CCR6: variants seen among roughly 807,000 people sequenced by gnomAD.
The protein encoded by CCR6 is C-C chemokine receptor type 6.
In CCR6, 2 loss-of-function variants were observed where a neutral mutation model predicts 3.0. The observed-to-expected ratio is 0.66, with a 90% CI of 0.27 to 2.07. The LOEUF is 2.07. CCR6 is among the 30% of genes most tolerant of loss of function. CCR6 has a pLI of 0.14. For missense variants in CCR6, 322 were observed against 462.8 expected, an observed-to-expected ratio of 0.70 and a Z score of 2.79; for synonymous variants, 193 against 184.3, an observed-to-expected ratio of 1.05 and a Z score of -0.38.
At chr6:167,116,327 C>A (rs368515199) in intron 1 of CCR6, among the ~76,000 whole-genome samples, 5 of 152,218 alleles carry the variant, frequency 3.3e-5, no homozygotes, top group Non-Finnish European at 7.3e-5. Flanking sequence ...CCCGCCCTCG[C>A]TCCCTCTTGG....
chr6:167,113,003 C>A (rs1044885305), intron 1 of CCR6, among the ~76,000 whole-genome samples: 1 of 151,096 alleles, frequency 6.6e-6, no homozygotes, highest in Non-Finnish European at 1.5e-5. Flanking sequence ...AACAATACTG[C>A]GATTCCATTT....
At chr6:167,132,704 C>G (rs1252961725) in intron 1 of CCR6, among the ~76,000 whole-genome samples, 1 of 152,130 alleles carries the variant, frequency 6.6e-6, no homozygotes, top group Non-Finnish European at 1.5e-5. Context: ...TCACGCCTGG[C>G]TAATTTTTGT....
chr6:167,131,430 T>A (rs1315115169), intron 1 of CCR6: 1 of 152,216 alleles, frequency 6.6e-6, no homozygotes, highest in Non-Finnish European at 1.5e-5. Context: ...CTTCCCATCG[T>A]CATCAACTCA....
intron 1 of CCR6, among the ~76,000 whole-genome samples, chr6:167,134,724 C>T (rs980049368): frequency 2.6e-5 from 4 of 152,174 alleles, no homozygotes; most frequent in African/African-American, 7.2e-5. Context: ...TCCCGCTTGG[C>T]ATGGCCAGGC....
chr6:167,123,775 T>A (rs968897727), intron 1 of CCR6, among the ~76,000 whole-genome samples: 3 of 152,138 alleles, frequency 2.0e-5, no homozygotes, highest in Non-Finnish European at 4.4e-5. Context: ...ACTGTGATTA[T>A]GAAGGCAGTA....
At chr6:167,113,745 T>C (rs1054903904) in intron 1 of CCR6, among the ~76,000 whole-genome samples, 1 of 152,208 alleles carries the variant, frequency 6.6e-6, no homozygotes, top group Non-Finnish European at 1.5e-5. Flanking sequence ...AAGACCAAAA[T>C]GTTGGTTGGA....
upstream of CCR6, among the ~76,000 whole-genome samples, chr6:167,118,998 C>G (rs1280345661): frequency 6.6e-6 from 1 of 152,198 alleles, no homozygotes. Context: ...CCCTGTCCCT[C>G]CACGGCCCAC....
intron 1 of CCR6, chr6:167,116,736 C>A (rs1781498754): frequency 6.6e-6 from 1 of 152,276 alleles, no homozygotes; most frequent in African/African-American, 2.4e-5. Flanking sequence ...CCCAGGGGTA[C>A]CCTAACCATT....
intron 1 of CCR6, among the ~76,000 whole-genome samples, chr6:167,124,778 C>A (rs535866771): frequency 4.6e-4 from 69 of 150,232 alleles, no homozygotes; most frequent in Non-Finnish European, 8.7e-4. Context: ...GTAACTAGAA[C>A]TTAATTTACA....
In CCR6 at chr6:167,138,135, A is replaced by G. The variant is rs1364213981; in HGVS notation, c.*780A>G. 3.9e-5 allele frequency: 6 copies of G among 152,472 alleles called. No individual in the cohort carries two copies. Among genetic ancestry groups the G allele is most frequent in the African/African-American group, 1.2e-4 (5 of 41,582 alleles). 9.4% of individuals were successfully genotyped at this position (152,472 alleles called of 1,614,324 possible). A position where few individuals can be genotyped will look rare whatever the true frequency, so the allele number is the denominator to read the frequency against. On this transcript the variant is annotated 3_prime_UTR_variant, in exon 3 of 3. Transcript: ENST00000341935. Reference sequence around the variant, plus strand: ...AAACGTCCATTAAGCTGAGAGTGCTATGAAGACAGGATCTAGAATAATCTT... The same window carrying G: ...AAACGTCCATTAAGCTGAGAGTGCTGTGAAGACAGGATCTAGAATAATCTT...
intron 1 of CCR6, chr6:167,116,099 C>T (rs1486642038): frequency 6.6e-6 from 1 of 152,274 alleles, no homozygotes; most frequent in African/African-American, 2.4e-5. Context: ...GGAGGGAGCA[C>T]ACCAGCAGGC....
upstream of CCR6, among the ~76,000 whole-genome samples, chr6:167,121,900 G>A (rs1249890952): frequency 1.3e-5 from 2 of 152,198 alleles, no homozygotes; most frequent in African/African-American, 4.8e-5. Flanking sequence ...TATCCAGTAA[G>A]GGGGAGCCAC....
At chr6:167,114,044 C>T (rs552134929) in intron 1 of CCR6, among the ~76,000 whole-genome samples, 1 of 152,244 alleles carries the variant, frequency 6.6e-6, no homozygotes, top group Non-Finnish European at 1.5e-5. Context: ...GGTCACACAA[C>T]CGTGACAGAC....
At position 167,136,257 on chromosome 6, in the gene CCR6, C is replaced by A; in HGVS notation, c.27C>A (p.Ser9Arg). 6.2e-7 allele frequency: 1 copy of A among 1,605,992 alleles called. No individual in the cohort carries two copies. The highest frequency in any genetic ancestry group is 8.5e-7 in the Non-Finnish European group (1 of 1,175,126). MSGESMNF[S>R]DVFDSSEDYF... Reference sequence around the variant, plus strand: ...CTTTCCAGGAATCAATGAATTTCAGCGATGTTTTCGACTCCAGTGAAGATT... The same window carrying A: ...CTTTCCAGGAATCAATGAATTTCAGAGATGTTTTCGACTCCAGTGAAGATT... Residue 9 changes from serine (S) to arginine (R), a missense_variant, in exon 3 of 3, where the codon AGC (serine) becomes AGA (arginine). Transcript: ENST00000341935. This position sits in a 1 kb window ranked among gnomAD's most constrained non-coding sequence, Gnocchi z 4.6.
intron 1 of CCR6, chr6:167,112,138 A>G (rs1191798036): frequency 2.0e-5 from 3 of 152,216 alleles, no homozygotes; most frequent in African/African-American, 7.2e-5. Flanking sequence ...TGCATTGCGA[A>G]TACTTATTTA....
In CCR6 at chr6:167,136,866, G is replaced by C. The variant is rs772160013; in HGVS notation, c.636G>C (p.Leu212=). ...QTVSEPIRWK[L]LMLGLELLFG... Reference sequence around the variant, plus strand: ...TCTCGGAGCCCATCAGGTGGAAGCTGCTGATGTTGGGGCTTGAGCTACTCT... The same window carrying C: ...TCTCGGAGCCCATCAGGTGGAAGCTCCTGATGTTGGGGCTTGAGCTACTCT... The change falls in exon 3 of 3, where the codon CTG becomes CTC. Residue 212 remains leucine (L), a synonymous_variant. Coordinates refer to ENST00000341935, the MANE Select transcript of CCR6 (RefSeq NM_031409.4). The surrounding 1 kb of genome is among the most constrained non-coding windows in gnomAD (Gnocchi z 4.6). 10 of 1,614,076 alleles carry C rather than the reference G, an allele frequency of 6.2e-6. No individual in the cohort carries two copies. Among genetic ancestry groups the C allele is most frequent in the Non-Finnish European group, 8.5e-7 (1 of 1,180,044 alleles).
chr6:167,137,460 A>C lies in CCR6; in HGVS notation c.*105A>C, dbSNP rs1006105474. The C allele has an allele frequency of 2.0e-4, 224 of 1,112,218 alleles. No homozygotes were observed. The highest frequency in any genetic ancestry group is 2.6e-4 in the Non-Finnish European group (206 of 788,654). 68.9% of individuals were successfully genotyped at this position (1,112,218 alleles called of 1,614,324 possible). The stretch of plus-strand genomic sequence containing the variant: ...CATGGAAAATGTGGGAATTAAGCAA[A>C]ATCAAGCAAGCCTCTCTCCTGCGGG... On this transcript the variant is annotated 3_prime_UTR_variant, in exon 3 of 3. Coordinates refer to ENST00000341935, the MANE Select transcript of CCR6 (RefSeq NM_031409.4). This position sits in a 1 kb window ranked among gnomAD's most constrained non-coding sequence, Gnocchi z 4.6.
At chr6:167,135,894 T>TCTCGGTGGTC in intron 1 of CCR6, 144 bp from the exon 2 acceptor site, 1 of 518,998 alleles carries the variant, frequency 1.9e-6, no homozygotes, top group South Asian at 3.4e-5. Context: ...AGGTTGCTGA[T>TCTCGGTGGTC]GCCTATTCTC....
chr6:167,124,697 T>A (rs1277111473), intron 1 of CCR6, among the ~76,000 whole-genome samples: 1 of 152,146 alleles, frequency 6.6e-6, no homozygotes, highest in African/African-American at 2.4e-5. Context: ...GGGTATGATG[T>A]CTACCTTAAA....
Sources: gnomAD v4.1 joint callset for allele counts (sites outside exome capture counted in the v4.1 genomes callset) on GRCh38, gnomAD v4.1.1 for gene constraint, Gnocchi (gnomAD v3.1) non-coding constraint, MANE v1.5 for transcripts, NCBI Gene and HGNC (gene_info 2026-07-23, HGNC 2026-07-21) for gene names.